GPN1: variants seen among roughly 807,000 people sequenced by gnomAD.
GPN1 encodes the protein ATP(GTP)-binding protein.
Under a neutral mutation model 55.9 loss-of-function variants are expected in GPN1, and 44 were observed. That is an observed-to-expected ratio of 0.79 (90% CI 0.62 to 1.01). GPN1 has a LOEUF of 1.01. GPN1 is among the 50% of genes least tolerant of loss of function. The pLI, the probability that GPN1 is intolerant of heterozygous loss-of-function variation, is 0.00. For missense variants in GPN1, 466 were observed against 462.8 expected (o/e 1.01, Z -0.06); for synonymous variants, 179 against 162.5 (o/e 1.10, Z -0.77).
intron 7 of GPN1, 144 bp from the exon 8 acceptor site, chr2:27,638,065 AC>A (rs1673798436): frequency 1.8e-6 from 1 of 558,964 alleles, no homozygotes; most frequent in African/African-American, 1.9e-5. Context: ...GTTGGCAGAG[AC>A]TATATGATGT....
At chr2:27,629,320 A>G in intron 1 of GPN1, 151 bp downstream of exon 1, 2 of 1,495,902 alleles carry the variant, frequency 1.3e-6, no homozygotes, top group Non-Finnish European at 1.8e-6. Flanking sequence ...TTCCCCGGCA[A>G]AGCCTCCTCG....
intron 3 of GPN1, chr2:27,631,314 A>G: frequency 1.9e-6 from 1 of 525,560 alleles, no homozygotes; most frequent in East Asian, 3.3e-5. Context: ...ACTGACAGCT[A>G]CCTGGGTCCC....
chr2:27,647,227 G>A (rs1026316002), intron 12 of GPN1, among the ~76,000 whole-genome samples: 2 of 152,156 alleles, frequency 1.3e-5, no homozygotes, highest in African/African-American at 4.8e-5. Context: ...GAGTGACTAT[G>A]TCCTCCCATG....
rs894779430 is a variant in GPN1, at chr2:27,643,633, C to G, written c.931+1114C>G. On this transcript the variant is annotated intron_variant, in intron 12 of 13. Transcript: ENST00000610189. This position sits in a 1 kb window ranked among gnomAD's most constrained non-coding sequence, Gnocchi z 4.0. ...CCTTATACTCCTTTAGAATCTGGAA[C>G]AGTGCCTTAGTCTGACTTTGTATTT... 6.6e-6 allele frequency among the ~76,000 whole-genome samples: 1 copy of G among 152,156 alleles called. No homozygotes were observed. The highest frequency in any genetic ancestry group is 1.5e-5 in the Non-Finnish European group (1 of 68,032).
chr2:27,643,403 T>G lies in GPN1; in HGVS notation c.931+884T>G, dbSNP rs921890851. Among the ~76,000 whole-genome samples, 1 of 152,076 alleles carries G rather than the reference T, an allele frequency of 6.6e-6. No homozygotes were observed. Among genetic ancestry groups the G allele is most frequent in the African/African-American group, 2.4e-5 (1 of 41,402 alleles). The stretch of plus-strand genomic sequence containing the variant: ...TTTGAGTAAGTTACAGATATAATAC[T>G]CTTTTACCTTGAATAATTCAGTGTC... On this transcript the variant is annotated intron_variant, in intron 12 of 13. Coordinates refer to ENST00000610189, the MANE Select transcript of GPN1 (RefSeq NM_007266.4). The surrounding 1 kb of genome is among the most constrained non-coding windows in gnomAD (Gnocchi z 4.0).
rs1558487108 is a variant in GPN1 at position 27,634,844 on chromosome 2, A to G, written c.351-2A>G. On this transcript the variant is annotated splice_acceptor_variant, in intron 5 of 13. Transcript: ENST00000610189. LOFTEE classifies it high-confidence loss of function. ...CTTCTTTAATGATCTTTCTTGACATAGATATGTGTTGATTGACACACCTGG... is the reference window on the plus strand; with the variant it reads ...CTTCTTTAATGATCTTTCTTGACATGGATATGTGTTGATTGACACACCTGG... 6.6e-7 allele frequency: 1 copy of G among 1,511,958 alleles called. No individual in the cohort carries two copies. The highest frequency in any genetic ancestry group is 9.2e-7 in the Non-Finnish European group (1 of 1,086,762). 93.7% of individuals were successfully genotyped at this position (1,511,958 alleles called of 1,614,324 possible). A position where few individuals can be genotyped will look rare whatever the true frequency, so the allele number is the denominator to read the frequency against.
chr2:27,638,242 T>C lies in GPN1; in HGVS notation c.557T>C (p.Val186Ala). 1 of 1,559,710 alleles carries C rather than the reference T, an allele frequency of 6.4e-7. No homozygotes were observed. The highest frequency in any genetic ancestry group is 8.8e-7 in the Non-Finnish European group (1 of 1,130,566). ...ILYKTKLPFI[V>A]VMNKTDIIDH... Reference sequence around the variant, plus strand: ...TACAAAACCAAGCTGCCTTTCATTGTGGTCATGAATAAAGTAAGTGTATTC... The same window carrying C: ...TACAAAACCAAGCTGCCTTTCATTGCGGTCATGAATAAAGTAAGTGTATTC... The change falls in exon 8 of 14, where the codon GTG (valine) becomes GCG (alanine). Residue 186 changes from valine to alanine, a missense_variant. Physicochemically the swap from Val to Ala is moderately conservative, Grantham distance 64 (BLOSUM62 0). Transcript: ENST00000610189.
At chr2:27,649,397 C>G (rs78973614) in intron 13 of GPN1, among the ~76,000 whole-genome samples, 1,522 of 152,046 alleles carry the variant, frequency 0.01, 17 homozygotes, top group Non-Finnish European at 0.016. Context: ...TGTAGTTTAC[C>G]AACAGTGAAA....
intron 12 of GPN1, among the ~76,000 whole-genome samples, chr2:27,645,543 TG>T (rs1310568180): frequency 6.6e-6 from 1 of 152,168 alleles, no homozygotes; most frequent in Non-Finnish European, 1.5e-5. Flanking sequence ...TGTTCAGTCT[TG>T]CTACCCAAGA....
intron 2 of GPN1, among the ~76,000 whole-genome samples, chr2:27,630,389 T>G (rs1384053889): frequency 6.8e-4 from 53 of 77,552 alleles, no homozygotes; most frequent in Non-Finnish European, 8.5e-4. Context: ...AGCTTAGGTT[T>G]TTTTTTTTTT....
At chr2:27,644,771 C>T (rs756565781) in intron 12 of GPN1, among the ~76,000 whole-genome samples, 1 of 132,068 alleles carries the variant, frequency 7.6e-6, no homozygotes, top group Non-Finnish European at 1.5e-5. Flanking sequence ...CTGGTCTGGA[C>T]CTCCTGGGCT....
intron 5 of GPN1, among the ~76,000 whole-genome samples, chr2:27,633,169 T>G (rs1673613236): frequency 6.6e-6 from 1 of 152,206 alleles, no homozygotes; most frequent in Non-Finnish European, 1.5e-5. Context: ...ATGCATGATA[T>G]TTATAAGATG....
At chr2:27,629,740 A>G (rs1673455222) in intron 1 of GPN1, 119 bp from the exon 2 acceptor site, 1 of 672,748 alleles carries the variant, frequency 1.5e-6, no homozygotes, top group Admixed American at 2.3e-5. Flanking sequence ...GACATGGTGG[A>G]TATTTCAGGT....
At position 27,636,799 on chromosome 2, in the gene GPN1, G is replaced by T. The variant is rs114840793; in HGVS notation, c.525-1411G>T. Reference sequence around the variant, plus strand: ...CCATTTTCATATTAATTGTTTAAAAGAAAATTATTTGATTTGCCTGATAGT... The same window carrying T: ...CCATTTTCATATTAATTGTTTAAAATAAAATTATTTGATTTGCCTGATAGT... On this transcript the variant is annotated intron_variant, in intron 7 of 13. Transcript: ENST00000610189. 6.2e-3 allele frequency among the ~76,000 whole-genome samples: 940 copies of T among 152,208 alleles called. 13 individuals are homozygous for T. The highest frequency in any genetic ancestry group is 0.02 in the African/African-American group (824 of 41,528).
intron 12 of GPN1, among the ~76,000 whole-genome samples, chr2:27,644,331 A>G (rs188962085): frequency 2.0e-5 from 3 of 152,308 alleles, no homozygotes; most frequent in Admixed American, 2.0e-4. Flanking sequence ...TATAATAGGA[A>G]TATCAATTTT....
chr2:27,649,883 CA>C, intron 13 of GPN1, among the ~76,000 whole-genome samples: 1 of 152,306 alleles, frequency 6.6e-6, no homozygotes, highest in South Asian at 2.1e-4. Context: ...AAAATACCTA[CA>C]AGTGGGACCT....
intron 11 of GPN1, among the ~76,000 whole-genome samples, chr2:27,641,798 C>T (rs1673963989): frequency 6.6e-6 from 1 of 152,124 alleles, no homozygotes; most frequent in Admixed American, 6.5e-5. Flanking sequence ...AAGGTCTCAC[C>T]GTGTTGCCCA....
intron 12 of GPN1, among the ~76,000 whole-genome samples, chr2:27,646,446 A>C (rs1441744327): frequency 6.6e-6 from 1 of 152,194 alleles, no homozygotes; most frequent in Non-Finnish European, 1.5e-5. Flanking sequence ...GTATGTATGA[A>C]GGCTTTTGAT....
intron 7 of GPN1, among the ~76,000 whole-genome samples, chr2:27,637,212 T>A (rs2148069844): frequency 6.6e-6 from 1 of 152,334 alleles, no homozygotes; most frequent in South Asian, 2.1e-4. Context: ...ATATGTATTA[T>A]ATGCTGTATT....
Sources: gnomAD v4.1 joint callset for allele counts (sites outside exome capture counted in the v4.1 genomes callset) on GRCh38, gnomAD v4.1.1 for gene constraint, Gnocchi (gnomAD v3.1) non-coding constraint, MANE v1.5 for transcripts, NCBI Gene and HGNC (gene_info 2026-07-23, HGNC 2026-07-21) for gene names.